ENGASE: variants seen among roughly 807,000 people sequenced by gnomAD.
ENGASE encodes endo-beta-N-acetylglucosaminidase, also known as cytosolic endo-beta-N-acetylglucosaminidase.
A neutral mutation model predicts 78.5 loss-of-function variants in ENGASE; 69 were observed. The ratio of observed to expected loss-of-function variants is 0.88; its 90% CI spans 0.72 to 1.07. ENGASE has a LOEUF of 1.07. Among genes scored for constraint, ENGASE ranks in the 50% least tolerant of loss-of-function variants. The probability of loss-of-function intolerance (pLI) is 0.00; values close to 1 mark genes in which losing one functional copy is unlikely to be tolerated. For missense variants in ENGASE, 943 were observed against 988.4 expected, an observed-to-expected ratio of 0.95 and a Z score of 0.62; for synonymous variants, 408 against 408.9, an observed-to-expected ratio of 1.00 and a Z score of 0.03.
chr17:79,085,310 C>T lies in ENGASE; in HGVS notation c.1668C>T (p.Cys556=), dbSNP rs187930923. The change falls in exon 12 of 14, where the codon TGC becomes TGT. Residue 556 remains cysteine, a synonymous_variant. Coordinates refer to ENST00000579016, the MANE Select transcript of ENGASE (RefSeq NM_001042573.3). ...AGCTGGCCAGATGGGTGGGCCGCTG[C>T]GGCCGGCAGCTGAGTGGGGGCTGGG... ...PTKLARWVGR[C]GRQLSGGWVQ... 1,849 of 1,612,430 alleles carry T rather than the reference C, an allele frequency of 1.1e-3. 6 individuals carry two copies. Among genetic ancestry groups the T allele is most frequent in the Non-Finnish European group, 1.4e-3 (1,698 of 1,179,602 alleles).
chr17:79,084,764 G>A lies in ENGASE; in HGVS notation c.1591+78G>A. The A allele has an allele frequency of 4.0e-6, 6 of 1,508,522 alleles. No individual in the cohort carries two copies. The South Asian group carries it at 4.7e-5, about 12-fold the overall frequency. 93.4% of individuals were successfully genotyped at this position (1,508,522 alleles called of 1,614,324 possible). On this transcript the variant is annotated intron_variant, in intron 11 of 13. Transcript: ENST00000579016. Reference sequence around the variant, plus strand: ...AGAGAAGTGTGGAGAGGCTCCTGGGGTGTGGGGAGGAGCTGGTGTGGACAG... The same window carrying A: ...AGAGAAGTGTGGAGAGGCTCCTGGGATGTGGGGAGGAGCTGGTGTGGACAG...
chr17:79,087,364 A>C lies in ENGASE; in HGVS notation c.*1015A>C. 1 of 278,788 alleles carries C rather than the reference A, an allele frequency of 3.6e-6. No individual in the cohort carries two copies. The highest frequency in any genetic ancestry group is 7.3e-6 in the Non-Finnish European group (1 of 137,560). 17.3% of individuals were successfully genotyped at this position (278,788 alleles called of 1,614,324 possible). A position where few individuals can be genotyped will look rare whatever the true frequency, so the allele number is the denominator to read the frequency against. The stretch of plus-strand genomic sequence containing the variant: ...TGACCCCTTGAGCAGCAGTCAGCAC[A>C]GGTGCGTGGGGGCGTGAGGGAGGCA... On this transcript the variant is annotated 3_prime_UTR_variant, in exon 14 of 14. Coordinates refer to ENST00000579016, the MANE Select transcript of ENGASE (RefSeq NM_001042573.3).
At chr17:79,084,002 TG>T in intron 10 of ENGASE, 51 bp downstream of exon 10, 2 of 1,525,812 alleles carry the variant, frequency 1.3e-6, no homozygotes, top group Non-Finnish European at 1.8e-6. Context: ...CCATCACACG[TG>T]GTGGCCATGG....
At chr17:79,077,018 C>T (rs1432637679) in intron 1 of ENGASE, among the ~76,000 whole-genome samples, 1 of 152,200 alleles carries the variant, frequency 6.6e-6, no homozygotes, top group Admixed American at 6.5e-5. Flanking sequence ...GGATTACAGG[C>T]GTGTGCCACC....
chr17:79,076,005 G>A (rs1245544434), intron 1 of ENGASE: 25 of 601,716 alleles, frequency 4.2e-5, no homozygotes, highest in Admixed American at 1.3e-4. Context: ...GAACAACTGC[G>A]GCATCTCTGC....
chr17:79,079,579 C>G lies in ENGASE; in HGVS notation c.507C>G (p.Val169=). 6.2e-7 allele frequency: 1 copy of G among 1,614,130 alleles called. No individual in the cohort carries two copies. The part of the protein sequence containing the change: ...DVFVYFSHHT[V]TIPPVGWTNT... ...TTGTGTACTTCAGCCACCACACCGT[C>G]ACCATTCCCCCAGTGGGCTGGACCA... The change falls in exon 4 of 14, where the codon GTC becomes GTG. Residue 169 remains valine, a synonymous_variant. Coordinates refer to ENST00000579016, the MANE Select transcript of ENGASE (RefSeq NM_001042573.3).
Position 79,086,560 on chromosome 17 carries a change from T to C in ENGASE, c.*211T>C, listed in dbSNP as rs577828002. 13 of 615,376 alleles carry C rather than the reference T, an allele frequency of 2.1e-5. No homozygotes were observed. Among genetic ancestry groups the C allele is most frequent in the Non-Finnish European group, 3.7e-5 (13 of 355,434 alleles). The allele number at this position is 615,376 out of a possible 1,614,324, so 38.1% of individuals were successfully genotyped here. A position where few individuals can be genotyped will look rare whatever the true frequency, so the allele number is the denominator to read the frequency against. On this transcript the variant is annotated 3_prime_UTR_variant, in exon 14 of 14. Coordinates refer to ENST00000579016, the MANE Select transcript of ENGASE (RefSeq NM_001042573.3). ...CCAAGCAGTGGGATCGCAGCGTTGG[T>C]CACTGCGAGGCGAGTGGCGGGCTTT...
chr17:79,077,570 CCT>C, intron 2 of ENGASE, 73 bp downstream of exon 2: 2 of 1,561,740 alleles, frequency 1.3e-6, no homozygotes, highest in East Asian at 2.2e-5. Context: ...GCCCCTGCCC[CCT>C]CTCATGTTCC....
At chr17:79,080,477 A>G (rs1052350862) in intron 5 of ENGASE, 113 bp downstream of exon 5, 4 of 1,273,964 alleles carry the variant, frequency 3.1e-6, no homozygotes, top group East Asian at 4.9e-5. Flanking sequence ...AGGTTGCAGC[A>G]GTAAGAGCCA....
At chr17:79,084,071 G>T (rs1047530831) in intron 10 of ENGASE, 120 bp downstream of exon 10, 31 of 877,316 alleles carry the variant, frequency 3.5e-5, no homozygotes, top group Middle Eastern at 6.8e-4. Context: ...ACCCAGATGG[G>T]TTTTTTAAAA....
Position 79,075,254 on chromosome 17 carries a change from G to C in ENGASE, c.146+164G>C, listed in dbSNP as rs536302780. 3.0e-3 allele frequency among the ~76,000 whole-genome samples: 454 copies of C among 152,160 alleles called. 1 individual carries two copies. Among genetic ancestry groups the C allele is most frequent in the African/African-American group, 0.01 (429 of 41,550 alleles). On this transcript the variant is annotated intron_variant, in intron 1 of 13. Transcript: ENST00000579016. ...GAGGGTGGCAGCGCCCCTCCGCCCC[G>C]GTCCGCCCCGCCGTCCTCGCGCCAC...
chr17:79,085,280 C>G lies in ENGASE; in HGVS notation c.1638C>G (p.Pro546=). ...GCCTCCGACCCCTCCGGGTGCCCCC[C>G]ACCAAGCTGGCCAGATGGGTGGGCC... ...RHSLRPLRVP[P]TKLARWVGRC... is the part of the protein sequence containing the mutation. The change falls in exon 12 of 14, where the codon CCC becomes CCG. Residue 546 remains proline, a synonymous_variant. Transcript: ENST00000579016. 1 of 1,613,512 alleles carries G rather than the reference C, an allele frequency of 6.2e-7. No homozygotes were observed. The highest frequency in any genetic ancestry group is 8.5e-7 in the Non-Finnish European group (1 of 1,179,970).
chr17:79,077,905 T>A, intron 3 of ENGASE, 41 bp downstream of exon 3: 2 of 970,338 alleles, frequency 2.1e-6, no homozygotes, highest in Non-Finnish European at 3.0e-6. Context: ...TACATTGTTC[T>A]CCTTTGCTGG....
intron 2 of ENGASE, 34 bp from the exon 3 acceptor site, chr17:79,077,629 C>A (rs774828464): frequency 1.9e-6 from 3 of 1,610,172 alleles, no homozygotes; most frequent in Non-Finnish European, 2.5e-6. Flanking sequence ...TAATAGTTTC[C>A]ATTAATTGCT....
At chr17:79,075,734 C>T (rs1332635599) in intron 1 of ENGASE, 4 of 985,442 alleles carry the variant, frequency 4.1e-6, no homozygotes, top group Non-Finnish European at 4.8e-6. Context: ...GAAACAGCAG[C>T]CGTAGCTTTG....
intron 7 of ENGASE, chr17:79,082,321 T>A: frequency 7.4e-7 from 1 of 1,358,244 alleles, no homozygotes; most frequent in Non-Finnish European, 9.6e-7. Flanking sequence ...GGCGCGTCGT[T>A]CCCCCGCTGT....
At chr17:79,077,907 C>A in intron 3 of ENGASE, 43 bp downstream of exon 3, 12 of 1,046,466 alleles carry the variant, frequency 1.1e-5, no homozygotes, top group Non-Finnish European at 1.5e-5. Flanking sequence ...CATTGTTCTC[C>A]TTTGCTGGGG....
intron 4 of ENGASE, among the ~76,000 whole-genome samples, chr17:79,079,845 C>G (rs983018555): frequency 6.6e-6 from 1 of 152,234 alleles, no homozygotes; most frequent in Non-Finnish European, 1.5e-5. Context: ...CACTGGGTCA[C>G]TGTGGTGATT....
At chr17:79,080,503 G>T in intron 5 of ENGASE, 139 bp downstream of exon 5, 1 of 953,506 alleles carries the variant, frequency 1.0e-6, no homozygotes, top group South Asian at 1.5e-5. Flanking sequence ...CGCCTCCCAG[G>T]CAGTGCCAAC....
Sources: allele counts gnomAD v4.1 joint callset (sites outside exome capture counted in the v4.1 genomes callset), GRCh38; gene constraint gnomAD v4.1.1; transcripts MANE v1.5; gene names NCBI Gene and HGNC (gene_info 2026-07-23, HGNC 2026-07-21).